Variants in PRKCA observed in about 807,000 individuals in gnomAD.
PRKCA encodes protein kinase C alpha type.
In PRKCA, 27 loss-of-function variants were observed where a neutral mutation model predicts 87.0. The observed-to-expected ratio is 0.31, with a 90% CI of 0.23 to 0.43. The LOEUF (loss-of-function observed/expected upper bound fraction) is 0.43, where lower values mean the gene tolerates loss of function less well. PRKCA is among the 20% of genes least tolerant of loss of function. The pLI is 1.00. For synonymous variants in PRKCA, 329 were observed against 311.1 expected, an observed-to-expected ratio of 1.06 and a Z score of -0.61; for missense variants, 518 against 852.3, an observed-to-expected ratio of 0.61 and a Z score of 4.88.
intron 13 of PRKCA, among the ~76,000 whole-genome samples, chr17:66,759,140 G>A (rs1234389650): frequency 2.6e-5 from 4 of 151,998 alleles, no homozygotes; most frequent in Non-Finnish European, 5.9e-5. Flanking sequence ...GGATTACAAG[G>A]TCAGGAGATT....
chr17:66,486,571 A>G (rs1598712597), intron 2 of PRKCA, among the ~76,000 whole-genome samples: 1 of 151,544 alleles, frequency 6.6e-6, no homozygotes, highest in Non-Finnish European at 1.5e-5. Context: ...GACTCTTCCC[A>G]CCCCTCAGAC....
At chr17:66,648,487 G>A (rs923821005) in intron 5 of PRKCA, among the ~76,000 whole-genome samples, 1 of 152,138 alleles carries the variant, frequency 6.6e-6, no homozygotes, top group Non-Finnish European at 1.5e-5. Flanking sequence ...TCACACAGAT[G>A]GTAAATTGGA....
At chr17:66,320,331 C>G (rs1287324670) in intron 2 of PRKCA, among the ~76,000 whole-genome samples, 1 of 151,988 alleles carries the variant, frequency 6.6e-6, no homozygotes, top group Non-Finnish European at 1.5e-5. Flanking sequence ...AGTCTTGACT[C>G]TCAAATGCCA....
intron 2 of PRKCA, among the ~76,000 whole-genome samples, chr17:66,379,744 T>G (rs1373108803): frequency 6.6e-6 from 1 of 152,192 alleles, no homozygotes; most frequent in Non-Finnish European, 1.5e-5. Context: ...TGTCTTTTTT[T>G]GGGAGGTCGG....
intron 2 of PRKCA, among the ~76,000 whole-genome samples, chr17:66,385,868 C>T (rs979515930): frequency 3.9e-5 from 6 of 152,188 alleles, no homozygotes; most frequent in African/African-American, 1.4e-4. Flanking sequence ...AGCAATTCTC[C>T]TGCCTCAGCC....
intron 2 of PRKCA, among the ~76,000 whole-genome samples, chr17:66,457,717 G>T (rs1253164240): frequency 6.6e-6 from 1 of 152,088 alleles, no homozygotes; most frequent in African/African-American, 2.4e-5. Context: ...TCTCCTTGCT[G>T]CCAGCATGTG....
At chr17:66,796,121 GCTCT>G (rs1211272781) in intron 16 of PRKCA, among the ~76,000 whole-genome samples, 1 of 152,158 alleles carries the variant, frequency 6.6e-6, no homozygotes, top group Non-Finnish European at 1.5e-5. Context: ...CTATTAACAT[GCTCT>G]CTCTATATGG....
intron 3 of PRKCA, among the ~76,000 whole-genome samples, chr17:66,556,898 G>A (rs1316593396): frequency 6.6e-6 from 1 of 152,146 alleles, no homozygotes; most frequent in Non-Finnish European, 1.5e-5. Context: ...CATGAGAATG[G>A]ACTAATACAC....
intron 16 of PRKCA, among the ~76,000 whole-genome samples, chr17:66,798,398 G>GTGA (rs1975724712): frequency 9.1e-6 from 1 of 109,770 alleles, no homozygotes; most frequent in Non-Finnish European, 1.8e-5. Flanking sequence ...GGTGGTGGTG[G>GTGA]TGGTGGTGAT....
chr17:66,546,485 C>G lies in PRKCA; in HGVS notation c.288+50202C>G, dbSNP rs186153730. On this transcript the variant is annotated intron_variant, in intron 3 of 16. Transcript: ENST00000413366. The stretch of plus-strand genomic sequence containing the variant: ...GGCAAGAATCTTTCCTTGCATTTTC[C>G]TACGTTGTGTTAGTTGCCGCTAATC... Among the ~76,000 whole-genome samples the G allele has an allele frequency of 9.8e-4, 150 of 152,298 alleles. 2 individuals carry two copies. The highest frequency in any genetic ancestry group is 7.7e-4 in the East Asian group (4 of 5,178).
intron 14 of PRKCA, among the ~76,000 whole-genome samples, chr17:66,781,877 A>AG (rs1421417182): frequency 7.1e-6 from 1 of 139,904 alleles, no homozygotes; most frequent in Non-Finnish European, 1.5e-5. Context: ...AGATATATAT[A>AG]TATATATATA....
chr17:66,427,452 A>G (rs1264404516), intron 2 of PRKCA, among the ~76,000 whole-genome samples: 1 of 152,248 alleles, frequency 6.6e-6, no homozygotes, highest in African/African-American at 2.4e-5. Context: ...ATGGTTCACA[A>G]AGCCTTAAAT....
chr17:66,798,378 CGGTGGTGGTGGTGGTGGT>C (rs1191158029), intron 16 of PRKCA, among the ~76,000 whole-genome samples: 1 of 54,970 alleles, frequency 1.8e-5, no homozygotes, highest in African/African-American at 7.0e-5. Flanking sequence ...TTTCAGTAGG[CGGTGGTGGTGGTGGTGGT>C]GGTGGTGGTG....
chr17:66,667,192 G>C (rs566036529), intron 5 of PRKCA, among the ~76,000 whole-genome samples: 2 of 152,276 alleles, frequency 1.3e-5, no homozygotes, highest in South Asian at 2.1e-4. Flanking sequence ...TTCAGTTGGA[G>C]GTTAGGGATC....
chr17:66,614,579 G>A (rs1241992018), intron 3 of PRKCA, among the ~76,000 whole-genome samples: 2 of 152,088 alleles, frequency 1.3e-5, no homozygotes, highest in Admixed American at 1.3e-4. Context: ...CCACTTAACA[G>A]CTAAATTTGG....
intron 2 of PRKCA, among the ~76,000 whole-genome samples, chr17:66,314,636 A>G (rs1905215427): frequency 6.6e-6 from 1 of 152,192 alleles, no homozygotes; most frequent in African/African-American, 2.4e-5. Flanking sequence ...TGACTGCAGT[A>G]GGTAGTTAGG....
At chr17:66,439,303 C>G (rs113737683) in intron 2 of PRKCA, among the ~76,000 whole-genome samples, 79 of 152,246 alleles carry the variant, frequency 5.2e-4, no homozygotes, top group Non-Finnish European at 1.1e-3. Flanking sequence ...GCCTCAGCCT[C>G]CCGAGTAGCT....
intron 16 of PRKCA, among the ~76,000 whole-genome samples, chr17:66,795,588 G>T (rs968806563): frequency 2.0e-5 from 3 of 152,206 alleles, no homozygotes; most frequent in Admixed American, 1.3e-4. Context: ...TGGAAGAAAT[G>T]AGACATTTAA....
chr17:66,534,032 A>G (rs1598746923), intron 3 of PRKCA, among the ~76,000 whole-genome samples: 1 of 152,098 alleles, frequency 6.6e-6, no homozygotes. Context: ...TAGAGGCAAT[A>G]AGAAGAACAT....
Sources: gnomAD v4.1 joint callset for allele counts (sites outside exome capture counted in the v4.1 genomes callset) on GRCh38, gnomAD v4.1.1 for gene constraint, MANE v1.5 for transcripts, NCBI Gene and HGNC (gene_info 2026-07-23, HGNC 2026-07-21) for gene names.